The following TOP1MT variants were observed in gnomAD, a reference collection of about 807,000 sequenced individuals.
TOP1MT encodes DNA topoisomerase I mitochondrial, also known as DNA topoisomerase I, mitochondrial.
TOP1MT carries 80 observed loss-of-function variants against 73.9 expected under a neutral mutation model. The observed-to-expected ratio is 1.08, with a 90% CI of 0.90 to 1.30. The LOEUF is 1.30. Among genes scored for constraint, TOP1MT ranks in the 50% most tolerant of loss-of-function variants. The pLI is 0.00. For missense variants in TOP1MT, 815 were observed against 808.0 expected (o/e 1.01, Z -0.10); for synonymous variants, 338 against 326.4 (o/e 1.04, Z -0.38).
At chr8:143,317,908 G>A (rs752056311) in intron 9 of TOP1MT, 71 bp from the exon 10 acceptor site, 7 of 1,595,012 alleles carry the variant, frequency 4.4e-6, no homozygotes, top group Middle Eastern at 1.7e-4. Context: ...GGGAAGGAAA[G>A]GACATGTCAG....
chr8:143,315,872 C>T, intron 11 of TOP1MT, 51 bp from the exon 12 acceptor site: 1 of 1,605,978 alleles, frequency 6.2e-7, no homozygotes. Context: ...CCGCACCAGC[C>T]CCTGTGCCCA....
intron 8 of TOP1MT, among the ~76,000 whole-genome samples, chr8:143,318,909 C>A (rs533377973): frequency 4.6e-5 from 7 of 152,238 alleles, no homozygotes; most frequent in African/African-American, 1.7e-4. Context: ...CTGATCTTGA[C>A]GAGGCTTTAT....
chr8:143,318,126 C>T, intron 8 of TOP1MT, 40 bp from the exon 9 acceptor site: 1 of 1,599,704 alleles, frequency 6.3e-7, no homozygotes, highest in Middle Eastern at 1.7e-4. Flanking sequence ...CAGAAAAAAC[C>T]CGAATCCAGT....
intron 6 of TOP1MT, 80 bp from the exon 7 acceptor site, chr8:143,324,222 C>CA: frequency 6.4e-7 from 1 of 1,566,434 alleles, no homozygotes; most frequent in Non-Finnish European, 8.7e-7. Flanking sequence ...CTCCCTCCCC[C>CA]AAACCTCGTG....
chr8:143,311,029 G>A (rs549980777), intron 12 of TOP1MT, among the ~76,000 whole-genome samples: 136 of 147,610 alleles, frequency 9.2e-4, no homozygotes, highest in African/African-American at 3.0e-3. Context: ...CATGATCTCA[G>A]CTCACTGGAA....
At chr8:143,335,893 T>C (rs987393384), upstream of TOP1MT, among the ~76,000 whole-genome samples, 2 of 152,186 alleles carry the variant, frequency 1.3e-5, no homozygotes, top group Admixed American at 1.3e-4. Context: ...AGGGCTGCAA[T>C]TGCTCGCTCT....
upstream of TOP1MT, among the ~76,000 whole-genome samples, chr8:143,338,367 G>A (rs1478336766): frequency 2.0e-5 from 3 of 152,088 alleles, no homozygotes; most frequent in East Asian, 5.8e-4. Context: ...CGGGAGTTCA[G>A]GACCAGCCTG....
chr8:143,321,417 G>C, intron 7 of TOP1MT, 31 bp from the exon 8 acceptor site: 2 of 1,535,960 alleles, frequency 1.3e-6, no homozygotes, highest in Non-Finnish European at 1.8e-6. Flanking sequence ...AAAGTGGGTG[G>C]TGCGTGCACA....
intron 4 of TOP1MT, 111 bp downstream of exon 4, chr8:143,326,111 T>G (rs1291543257): frequency 2.4e-6 from 3 of 1,271,234 alleles, no homozygotes; most frequent in Non-Finnish European, 3.2e-6. Context: ...AAGAGCAGCT[T>G]TGTGAGAAGG....
In TOP1MT at chr8:143,321,477, CCACACGCACGCCA is replaced by C. The variant is rs1381496971; in HGVS notation, c.961-104_961-92del. The C allele has an allele frequency of 5.7e-5, 57 of 1,001,146 alleles. 1 individual carries two copies. Among genetic ancestry groups the C allele is most frequent in the African/African-American group, 7.3e-5 (3 of 40,900 alleles). The allele number at this position is 1,001,146 out of a possible 1,614,324, so 62.0% of individuals were successfully genotyped here. On this transcript the variant is annotated intron_variant, in intron 7 of 13. Coordinates refer to ENST00000329245, the MANE Select transcript of TOP1MT (RefSeq NM_052963.3). ...CACACACGCACGCCACACACGCACG[CCACACGCACGCCA>C]CACACGCACGCCACACACACGCACT...
At chr8:143,330,042 A>G (rs1045935394) in intron 2 of TOP1MT, among the ~76,000 whole-genome samples, 10 of 152,210 alleles carry the variant, frequency 6.6e-5, no homozygotes, top group African/African-American at 2.4e-4. Context: ...AAAAGCTTTC[A>G]TAAGAAAATT....
chr8:143,316,050 C>G lies in TOP1MT; in HGVS notation c.1407G>C (p.Gln469His). ...TCTCGAACGTACTGGGGGTTGCTCG[C>G]TGATGGTTGCAGAGAATGGCCACGA... ...NRVVAILCNH[Q>H]RATPSTFEKS... Residue 469 changes from glutamine to histidine, a missense_variant, in exon 11 of 14, where the codon CAG (glutamine) becomes CAC (histidine). By Grantham distance (24) the Gln-to-His change is conservative. Around this residue, in one of 3 missense-constraint regions of TOP1MT, gnomAD observed 751 missense variants for 725.4 expected, o/e 1.04. Coordinates refer to ENST00000329245, the MANE Select transcript of TOP1MT (RefSeq NM_052963.3). The G allele has an allele frequency of 6.2e-7, 1 of 1,614,166 alleles. No individual in the cohort carries two copies. The highest frequency in any genetic ancestry group is 8.5e-7 in the Non-Finnish European group (1 of 1,179,980).
At chr8:143,359,114 T>G, upstream of TOP1MT, 4 of 621,718 alleles carry the variant, frequency 6.4e-6, no homozygotes, top group Non-Finnish European at 6.0e-6. Flanking sequence ...AGCGCTGGGA[T>G]TATAGGTGTG....
chr8:143,358,454 A>G (rs1817448253), upstream of TOP1MT: 1 of 152,166 alleles, frequency 6.6e-6, no homozygotes, highest in Non-Finnish European at 1.5e-5. Context: ...ATTCTCTACC[A>G]TTGTAGTGAT....
chr8:143,334,616 G>A, intron 1 of TOP1MT, 124 bp downstream of exon 1: 10 of 1,409,034 alleles, frequency 7.1e-6, no homozygotes, highest in Non-Finnish European at 9.5e-6. Flanking sequence ...TGCTCTCCTG[G>A]CCCGACTTTT....
chr8:143,310,752 C>A (rs371433715), intron 12 of TOP1MT, among the ~76,000 whole-genome samples: 1 of 152,208 alleles, frequency 6.6e-6, no homozygotes, highest in African/African-American at 2.4e-5. Context: ...GACAAACTTG[C>A]GCCTGCAAAA....
chr8:143,328,524 G>A (rs527300361), intron 3 of TOP1MT, among the ~76,000 whole-genome samples: 3 of 152,326 alleles, frequency 2.0e-5, no homozygotes, highest in African/African-American at 4.8e-5. Flanking sequence ...AAGGTGCCTC[G>A]CACCCGCGGC....
intron 8 of TOP1MT, among the ~76,000 whole-genome samples, chr8:143,319,829 T>G (rs1461983803): frequency 6.6e-6 from 1 of 151,664 alleles, no homozygotes; most frequent in South Asian, 2.1e-4. Context: ...CTTTTTTTTT[T>G]TTTAGAACGG....
At chr8:143,322,866 G>A (rs190267226) in intron 7 of TOP1MT, among the ~76,000 whole-genome samples, 1 of 30,382 alleles carries the variant, frequency 3.3e-5, no homozygotes, top group Non-Finnish European at 6.5e-5. Context: ...ACACACGCAC[G>A]CCACACGCAC....
Sources: allele counts gnomAD v4.1 joint callset (sites outside exome capture counted in the v4.1 genomes callset), GRCh38; gene constraint gnomAD v4.1.1; regional missense constraint gnomAD v4.1.1; transcripts MANE v1.5; gene names NCBI Gene and HGNC (gene_info 2026-07-23, HGNC 2026-07-21).